AGBL4: variants seen among roughly 807,000 people sequenced by gnomAD.
The protein encoded by AGBL4 is AGBL carboxypeptidase 4.
Under a neutral mutation model 66.4 loss-of-function variants are expected in AGBL4, and 58 were observed. The observed-to-expected ratio is 0.87, with a 90% confidence interval of 0.71 to 1.09. The LOEUF (loss-of-function observed/expected upper bound fraction) is 1.09. Ranked by LOEUF, AGBL4 falls within the 50% of genes least tolerant of loss-of-function variation. The pLI, the probability that AGBL4 is intolerant of heterozygous loss-of-function variation, is 0.00. For synonymous variants in AGBL4, 234 were observed against 222.9 expected, an observed-to-expected ratio of 1.05 and a Z score of -0.44; for missense variants, 579 against 631.0, an observed-to-expected ratio of 0.92 and a Z score of 0.88.
intron 4 of AGBL4, among the ~76,000 whole-genome samples, chr1:49,172,613 G>A (rs992888973): frequency 4.6e-5 from 7 of 152,192 alleles, no homozygotes; most frequent in African/African-American, 1.7e-4. Flanking sequence ...ATATGTAGAA[G>A]TGTGGAGGTA....
intron 6 of AGBL4, among the ~76,000 whole-genome samples, chr1:48,861,446 C>T (rs996907562): frequency 6.6e-6 from 1 of 152,128 alleles, no homozygotes; most frequent in Non-Finnish European, 1.5e-5. Context: ...AATAAATTCA[C>T]ATCTAGACCC....
chr1:49,392,736 T>C (rs1268792701), intron 3 of AGBL4, among the ~76,000 whole-genome samples: 1 of 137,304 alleles, frequency 7.3e-6, no homozygotes, highest in South Asian at 2.3e-4. Flanking sequence ...CACACACACA[T>C]CATATACATG....
chr1:49,240,956 T>C (rs1377075276), intron 4 of AGBL4, among the ~76,000 whole-genome samples: 2 of 152,042 alleles, frequency 1.3e-5, no homozygotes, highest in African/African-American at 4.8e-5. Context: ...CTGTTGTTCA[T>C]GCCAGAAAAT....
intron 6 of AGBL4, among the ~76,000 whole-genome samples, chr1:48,674,167 C>T (rs562710127): frequency 9.2e-5 from 14 of 152,316 alleles, no homozygotes; most frequent in African/African-American, 3.4e-4. Context: ...CCTGGGTCCT[C>T]GGAGCTGGCT....
chr1:49,410,404 T>A (rs1321625607), intron 3 of AGBL4, among the ~76,000 whole-genome samples: 2 of 152,180 alleles, frequency 1.3e-5, no homozygotes, highest in Non-Finnish European at 2.9e-5. Flanking sequence ...GGAATCCCTC[T>A]AACCTAGGTG....
intron 6 of AGBL4, among the ~76,000 whole-genome samples, chr1:48,731,559 TGAAG>T (rs1157386620): frequency 6.6e-6 from 1 of 152,120 alleles, no homozygotes; most frequent in African/African-American, 2.4e-5. Flanking sequence ...GATGATTTCC[TGAAG>T]GAAGGCTCAC....
At chr1:48,900,608 G>T (rs558046047) in intron 5 of AGBL4, among the ~76,000 whole-genome samples, 1 of 152,214 alleles carries the variant, frequency 6.6e-6, no homozygotes, top group South Asian at 2.1e-4. Context: ...TTTCAACAAA[G>T]ATTTGAAAGC....
intron 5 of AGBL4, among the ~76,000 whole-genome samples, chr1:48,942,515 G>A (rs1299555742): frequency 1.3e-5 from 2 of 152,190 alleles, no homozygotes; most frequent in African/African-American, 4.8e-5. Flanking sequence ...TTTTGGGAAA[G>A]AATCTAGAAC....
At chr1:49,556,656 C>T (rs1397797121) in intron 3 of AGBL4, among the ~76,000 whole-genome samples, 1 of 152,092 alleles carries the variant, frequency 6.6e-6, no homozygotes, top group African/African-American at 2.4e-5. Context: ...CCTAGTGGAT[C>T]CCGCGCAGGG....
chr1:48,991,615 GC>G (rs1472189246), intron 5 of AGBL4, among the ~76,000 whole-genome samples: 1 of 151,942 alleles, frequency 6.6e-6, no homozygotes, highest in Admixed American at 6.6e-5. Flanking sequence ...TCTTAGAATT[GC>G]CCCCTTTTGA....
At chr1:49,466,503 G>T (rs1331954895) in intron 3 of AGBL4, among the ~76,000 whole-genome samples, 1 of 151,778 alleles carries the variant, frequency 6.6e-6, no homozygotes, top group Admixed American at 6.6e-5. Flanking sequence ...CCTTCCATCT[G>T]GTGCAGTGCC....
In AGBL4 at chr1:48,586,912, C is replaced by T. The variant is rs377642636; in HGVS notation, c.1267+92G>A. 44 of 1,524,278 alleles carry T rather than the reference C, an allele frequency of 2.9e-5. No individual in the cohort carries two copies. In the Middle Eastern group the frequency reaches 6.8e-4, roughly 24 times the overall value. The allele number at this position is 1,524,278 out of a possible 1,614,324, so 94.4% of individuals were successfully genotyped here. A position where few individuals can be genotyped will look rare whatever the true frequency, so the allele number is the denominator to read the frequency against. ...CCTCACCTGAGAGTCTCAGCCCTTA[C>T]CTGAGCTGGGGGCCTAATTCCTGAC... On this transcript the variant is annotated intron_variant, in intron 11 of 13. Coordinates refer to ENST00000371839, the MANE Select transcript of AGBL4 (RefSeq NM_032785.4).
chr1:49,453,748 G>A (rs955791949), intron 3 of AGBL4, among the ~76,000 whole-genome samples: 14 of 151,752 alleles, frequency 9.2e-5, no homozygotes, highest in African/African-American at 3.4e-4. Context: ...CATAGAATCA[G>A]AGAGGAGGTA....
chr1:49,784,766 C>G (rs1442860309), intron 2 of AGBL4, among the ~76,000 whole-genome samples: 3 of 151,696 alleles, frequency 2.0e-5, no homozygotes, highest in Non-Finnish European at 4.4e-5. Context: ...AGAACTCTTA[C>G]AGTTAATAAT....
chr1:48,886,262 G>A (rs1371040946), intron 5 of AGBL4, among the ~76,000 whole-genome samples: 5 of 152,122 alleles, frequency 3.3e-5, no homozygotes. Flanking sequence ...CACTGCACAG[G>A]TTGTGCATGT....
chr1:48,707,783 G>A lies in AGBL4; in HGVS notation c.635-44542C>T, dbSNP rs553704909. Among the ~76,000 whole-genome samples, 24 of 152,300 alleles carry A rather than the reference G, an allele frequency of 1.6e-4. 1 individual carries two copies. The South Asian group carries it at 5.0e-3, about 32-fold the overall frequency. On this transcript the variant is annotated intron_variant, in intron 6 of 13. Coordinates refer to ENST00000371839, the MANE Select transcript of AGBL4 (RefSeq NM_032785.4). ...CTGGCAGTGACACACTTCAGCTGGT[G>A]TTTAAGTAAGGGCCATGCCAAGCTG... is the stretch of plus-strand genomic sequence containing the variant.
intron 6 of AGBL4, among the ~76,000 whole-genome samples, chr1:48,712,120 C>T (rs1477684096): frequency 6.6e-6 from 1 of 152,214 alleles, no homozygotes; most frequent in African/African-American, 2.4e-5. Context: ...CAACTCAAGG[C>T]TCCCCTTCTC....
intron 6 of AGBL4, among the ~76,000 whole-genome samples, chr1:48,800,585 T>C (rs944230638): frequency 2.0e-5 from 3 of 152,220 alleles, no homozygotes; most frequent in Non-Finnish European, 4.4e-5. Context: ...TGTGGTTAGA[T>C]TGTCTATTTG....
At chr1:49,415,142 T>A (rs959532149) in intron 3 of AGBL4, among the ~76,000 whole-genome samples, 8 of 152,166 alleles carry the variant, frequency 5.3e-5, no homozygotes, top group African/African-American at 1.9e-4. Flanking sequence ...GCCCAAGGAC[T>A]GTCTCTGTCC....
Sources: gnomAD v4.1 joint callset for allele counts (sites outside exome capture counted in the v4.1 genomes callset) on GRCh38, gnomAD v4.1.1 for gene constraint, MANE v1.5 for transcripts, NCBI Gene and HGNC (gene_info 2026-07-23, HGNC 2026-07-21) for gene names.